CCDC171: variants seen among roughly 807,000 people sequenced by gnomAD.
The protein encoded by CCDC171 is coiled-coil domain-containing protein 171.
Under a neutral mutation model 168.2 loss-of-function variants are expected in CCDC171, and 177 were observed. The ratio of observed to expected loss-of-function variants is 1.05; its 90% CI spans 0.93 to 1.19. CCDC171 has a LOEUF of 1.19. CCDC171 is among the 50% of genes most tolerant of loss of function. CCDC171 has a pLI of 0.00. For missense variants in CCDC171, 1,991 were observed against 1,539.0 expected (o/e 1.29, Z -4.91); for synonymous variants, 687 against 540.8 (o/e 1.27, Z -3.75).
chr9:15,892,430 G>A (rs1442247511), intron 24 of CCDC171, among the ~76,000 whole-genome samples: 1 of 152,028 alleles, frequency 6.6e-6, no homozygotes, highest in African/African-American at 2.4e-5. Context: ...GAATTTTATT[G>A]AAGGCCTTTT....
At chr9:16,014,980 C>A (rs1348540650) in intron 3 of CCDC171, among the ~76,000 whole-genome samples, 3 of 152,078 alleles carry the variant, frequency 2.0e-5, no homozygotes, top group Non-Finnish European at 2.9e-5. Context: ...CCCTTTGAAG[C>A]CTTGAACTCT....
chr9:16,088,499 G>A, the CCDC171 span, among the ~76,000 whole-genome samples: 27 of 152,180 alleles, frequency 1.8e-4, no homozygotes, highest in Non-Finnish European at 5.9e-5. Flanking sequence ...ATCTCCTTAA[G>A]CTGATAAGCA....
At chr9:15,964,182 C>T (rs1410113121) in intron 25 of CCDC171, among the ~76,000 whole-genome samples, 1 of 152,154 alleles carries the variant, frequency 6.6e-6, no homozygotes, top group African/African-American at 2.4e-5. Flanking sequence ...TTTTCTCTTA[C>T]AACTGAACTC....
At chr9:15,862,423 C>T (rs1268170637) in intron 23 of CCDC171, among the ~76,000 whole-genome samples, 2 of 151,518 alleles carry the variant, frequency 1.3e-5, no homozygotes, top group African/African-American at 4.8e-5. Context: ...TTTCTTATTA[C>T]TGAAATTCTC....
At chr9:15,923,818 A>G (rs1825608675) in intron 25 of CCDC171, among the ~76,000 whole-genome samples, 2 of 151,416 alleles carry the variant, frequency 1.3e-5, no homozygotes, top group Admixed American at 1.3e-4. Context: ...CAGGAAGTCT[A>G]GAAGTAGGTG....
chr9:15,958,516 G>GTATTATATTA (rs59603926), intron 25 of CCDC171, among the ~76,000 whole-genome samples: 28,403 of 136,378 alleles, frequency 0.21, 3,191 homozygotes, highest in African/African-American at 0.23. Flanking sequence ...CGGAGGTGAG[G>GTATTATATTA]TATTATATTA....
intron 12 of CCDC171, 83 bp from the exon 13 acceptor site, chr9:15,723,598 C>A: frequency 1.1e-6 from 1 of 926,124 alleles, no homozygotes; most frequent in Non-Finnish European, 1.7e-6. Context: ...TAAAGATTAA[C>A]TTTTGAGTTA....
At chr9:16,018,612 A>C (rs1396146766) in intron 3 of CCDC171, among the ~76,000 whole-genome samples, 3 of 152,310 alleles carry the variant, frequency 2.0e-5, no homozygotes, top group African/African-American at 7.2e-5. Context: ...TCACTCACCT[A>C]CTAGGGCCGC....
rs767939555 is a variant in CCDC171, at chr9:15,971,225, A to C, written c.3754-384A>C. 3.3e-5 allele frequency among the ~76,000 whole-genome samples: 5 copies of C among 152,306 alleles called. No individual in the cohort carries two copies. The South Asian group carries it at 8.3e-4, about 25-fold the overall frequency. On this transcript the variant is annotated intron_variant, in intron 25 of 25. Coordinates refer to ENST00000380701, the MANE Select transcript of CCDC171 (RefSeq NM_173550.4). ...TAAGTAATCTAATCTTCCATATTAT[A>C]TGGCACTTATTTTATAGCATAATGA...
intron 7 of CCDC171, among the ~76,000 whole-genome samples, chr9:15,650,415 A>G (rs961773502): frequency 2.6e-5 from 4 of 152,258 alleles, no homozygotes; most frequent in Middle Eastern, 6.8e-3. Context: ...AAGAAAAAAA[A>G]TAAATTATAG....
At chr9:15,726,424 G>A (rs2053806006) in intron 14 of CCDC171, among the ~76,000 whole-genome samples, 1 of 152,154 alleles carries the variant, frequency 6.6e-6, no homozygotes, top group South Asian at 2.1e-4. Context: ...AACGTGATCA[G>A]TAGGCAAAAC....
chr9:15,792,915 C>T (rs1288363359), intron 21 of CCDC171, among the ~76,000 whole-genome samples: 1 of 152,080 alleles, frequency 6.6e-6, no homozygotes, highest in Admixed American at 6.6e-5. Context: ...ACTGCATCAA[C>T]TAATGAGCAA....
chr9:15,581,234 G>A (rs1049211535), intron 4 of CCDC171, among the ~76,000 whole-genome samples: 21 of 152,118 alleles, frequency 1.4e-4, no homozygotes, highest in Non-Finnish European at 5.9e-5. Flanking sequence ...GGATGTGAAG[G>A]ACCTTTTCAA....
At chr9:15,906,659 G>A (rs548961251) in intron 24 of CCDC171, among the ~76,000 whole-genome samples, 1,719 of 152,292 alleles carry the variant, frequency 0.011, 37 homozygotes, top group African/African-American at 0.039. Context: ...CATAGTGTTG[G>A]AAGTTCTGGC....
At chr9:15,823,567 A>C (rs2059887292) in intron 21 of CCDC171, among the ~76,000 whole-genome samples, 1 of 152,120 alleles carries the variant, frequency 6.6e-6, no homozygotes, top group African/African-American at 2.4e-5. Flanking sequence ...AAGATACATA[A>C]TATTGCTTAC....
At chr9:15,953,161 G>T (rs772554726) in intron 25 of CCDC171, among the ~76,000 whole-genome samples, 2 of 152,032 alleles carry the variant, frequency 1.3e-5, no homozygotes, top group Non-Finnish European at 2.9e-5. Flanking sequence ...TCCAATCTGA[G>T]TGCCTTTTCT....
chr9:15,639,726 A>G (rs1209770411), intron 7 of CCDC171, among the ~76,000 whole-genome samples: 1 of 152,140 alleles, frequency 6.6e-6, no homozygotes, highest in Non-Finnish European at 1.5e-5. Context: ...ATAGTTAATC[A>G]TGATCAAGAT....
intron 25 of CCDC171, among the ~76,000 whole-genome samples, chr9:15,946,756 C>T (rs906907813): frequency 1.3e-5 from 2 of 151,982 alleles, no homozygotes; most frequent in African/African-American, 2.4e-5. Flanking sequence ...CATCACACTA[C>T]CTGACTTCAA....
chr9:15,808,779 A>G (rs1432158585), intron 21 of CCDC171, among the ~76,000 whole-genome samples: 1 of 152,202 alleles, frequency 6.6e-6, no homozygotes, highest in Non-Finnish European at 1.5e-5. Context: ...CAAGTCACCC[A>G]GAATGATAGG....
Sources: gnomAD v4.1 joint callset for allele counts (sites outside exome capture counted in the v4.1 genomes callset) on GRCh38, gnomAD v4.1.1 for gene constraint, MANE v1.5 for transcripts, NCBI Gene and HGNC (gene_info 2026-07-23, HGNC 2026-07-21) for gene names.